PRKCB: variants seen among roughly 807,000 people sequenced by gnomAD.
The protein encoded by PRKCB is protein kinase C beta type.
In PRKCB, 13 loss-of-function variants were observed where a neutral mutation model predicts 81.5. The ratio of observed to expected loss-of-function variants is 0.16; its 90% CI spans 0.10 to 0.25. The LOEUF is 0.25. Among genes scored for constraint, PRKCB ranks in the 10% least tolerant of loss-of-function variants. The probability of loss-of-function intolerance (pLI) is 1.00; values close to 1 mark genes in which losing one functional copy is unlikely to be tolerated. For synonymous variants in PRKCB, 335 were observed against 321.4 expected, an observed-to-expected ratio of 1.04 and a Z score of -0.45; for missense variants, 509 against 875.7, an observed-to-expected ratio of 0.58 and a Z score of 5.29.
intron 8 of PRKCB, among the ~76,000 whole-genome samples, chr16:24,121,277 C>T (rs945401910): frequency 3.9e-5 from 6 of 152,330 alleles, no homozygotes; most frequent in African/African-American, 7.2e-5. Context: ...CTAGAATGCA[C>T]GTTTTTTCAG....
At chr16:23,909,876 C>G (rs1023172700) in intron 2 of PRKCB, among the ~76,000 whole-genome samples, 1 of 152,050 alleles carries the variant, frequency 6.6e-6, no homozygotes, top group East Asian at 1.9e-4. Context: ...GGCCTTGATC[C>G]CATTCAGAAA....
At chr16:23,911,126 T>G (rs567893302) in intron 2 of PRKCB, among the ~76,000 whole-genome samples, 27 of 126,478 alleles carry the variant, frequency 2.1e-4, no homozygotes, top group African/African-American at 8.2e-4. Context: ...AACGTATATA[T>G]GCTTTTTTTT....
At chr16:23,962,232 A>G (rs1301440305) in intron 2 of PRKCB, among the ~76,000 whole-genome samples, 1 of 152,024 alleles carries the variant, frequency 6.6e-6, no homozygotes, top group Non-Finnish European at 1.5e-5. Context: ...TGCCATGCAG[A>G]CCTGAAACTC....
At chr16:23,902,285 T>C (rs932007482) in intron 2 of PRKCB, among the ~76,000 whole-genome samples, 1 of 152,232 alleles carries the variant, frequency 6.6e-6, no homozygotes, top group Non-Finnish European at 1.5e-5. Flanking sequence ...AATAACCTTT[T>C]AATTTTTGGA....
intron 2 of PRKCB, 35 bp downstream of exon 2, chr16:23,837,441 G>A (rs3729883): frequency 0.52 from 834,119 of 1,593,494 alleles, 224,757 homozygotes; most frequent in East Asian, 0.66. Flanking sequence ...CTATTTGTGG[G>A]AAGAGAGGGT....
At chr16:24,060,657 C>G (rs1048849696) in intron 5 of PRKCB, among the ~76,000 whole-genome samples, 1 of 152,198 alleles carries the variant, frequency 6.6e-6, no homozygotes, top group Non-Finnish European at 1.5e-5. Flanking sequence ...GTTATGCCCT[C>G]TTCCAGGGGC....
chr16:23,932,269 T>C (rs1297004288), intron 2 of PRKCB, among the ~76,000 whole-genome samples: 1 of 152,184 alleles, frequency 6.6e-6, no homozygotes, highest in Admixed American at 6.5e-5. Flanking sequence ...TTAACTGAAA[T>C]ATAAAATGAT....
At chr16:24,134,612 G>A (rs1966859055) in intron 9 of PRKCB, among the ~76,000 whole-genome samples, 1 of 152,156 alleles carries the variant, frequency 6.6e-6, no homozygotes, top group African/African-American at 2.4e-5. Flanking sequence ...AGCCGGGCGT[G>A]GTGGCGCATG....
chr16:23,921,200 G>C (rs969223793), intron 2 of PRKCB, among the ~76,000 whole-genome samples: 2 of 152,158 alleles, frequency 1.3e-5, no homozygotes, highest in African/African-American at 4.8e-5. Context: ...ATATCACAGG[G>C]TAATGAAGAA....
chr16:24,074,644 A>G (rs910488659), intron 5 of PRKCB, among the ~76,000 whole-genome samples: 2 of 152,230 alleles, frequency 1.3e-5, no homozygotes, highest in Admixed American at 1.3e-4. Flanking sequence ...TGAGTCAGTG[A>G]GGATGTTCTG....
At chr16:23,974,999 A>G (rs1445951793) in intron 2 of PRKCB, among the ~76,000 whole-genome samples, 2 of 152,214 alleles carry the variant, frequency 1.3e-5, no homozygotes, top group Non-Finnish European at 2.9e-5. Context: ...CTCGATTGAC[A>G]GCCCCACCAG....
intron 9 of PRKCB, among the ~76,000 whole-genome samples, chr16:24,132,784 TTTTTTTTTC>T (rs796537531): frequency 7.1e-4 from 44 of 61,568 alleles, no homozygotes; most frequent in African/African-American, 1.1e-3. Flanking sequence ...TTTTTTTTTT[TTTTTTTTTC>T]TTCTAGAGAC....
intron 13 of PRKCB, among the ~76,000 whole-genome samples, chr16:24,181,500 C>T (rs940854998): frequency 1.4e-4 from 22 of 152,160 alleles, no homozygotes; most frequent in African/African-American, 5.3e-4. Context: ...GGTGTGGCAG[C>T]TCGCGCCTGT....
chr16:24,079,454 C>T (rs1401434657), intron 5 of PRKCB, among the ~76,000 whole-genome samples: 1 of 152,160 alleles, frequency 6.6e-6, no homozygotes, highest in African/African-American at 2.4e-5. Context: ...ACAATGATTT[C>T]TTTCTCTCAG....
intron 3 of PRKCB, among the ~76,000 whole-genome samples, chr16:24,014,130 C>T (rs1965242517): frequency 6.6e-6 from 1 of 152,196 alleles, no homozygotes; most frequent in Non-Finnish European, 1.5e-5. Context: ...GCATCCAGGG[C>T]TGCACCTGGA....
chr16:24,033,514 C>T (rs1965574897), intron 4 of PRKCB, among the ~76,000 whole-genome samples: 2 of 152,148 alleles, frequency 1.3e-5, no homozygotes, highest in African/African-American at 2.4e-5. Context: ...GTAATCCCAA[C>T]ACTTTGGGAG....
intron 2 of PRKCB, among the ~76,000 whole-genome samples, chr16:23,923,213 G>C (rs1963850920): frequency 6.6e-6 from 1 of 152,080 alleles, no homozygotes; most frequent in Non-Finnish European, 1.5e-5. Context: ...TCCAAGGGTA[G>C]CTGCCTTCAG....
intron 16 of PRKCB, 174 bp downstream of exon 16, chr16:24,191,404 C>A: frequency 7.6e-5 from 48 of 631,044 alleles, no homozygotes; most frequent in Non-Finnish European, 9.1e-5. Flanking sequence ...GGACATTTTC[C>A]ATTGGCCCAG....
At chr16:23,871,651 C>A (rs1265428891) in intron 2 of PRKCB, among the ~76,000 whole-genome samples, 1 of 152,060 alleles carries the variant, frequency 6.6e-6, no homozygotes, top group African/African-American at 2.4e-5. Context: ...AATCTCGGCT[C>A]ACTGCAACCT....
Sources: allele counts gnomAD v4.1 joint callset (sites outside exome capture counted in the v4.1 genomes callset), GRCh38; gene constraint gnomAD v4.1.1; transcripts MANE v1.5; gene names NCBI Gene and HGNC (gene_info 2026-07-23, HGNC 2026-07-21).